The following FOLH1 variants were observed in gnomAD, a reference collection of about 807,000 sequenced individuals.
FOLH1 encodes glutamate carboxypeptidase 2.
Under a neutral mutation model 93.9 loss-of-function variants are expected in FOLH1, and 54 were observed. That is an observed-to-expected ratio of 0.57 (90% CI 0.46 to 0.72). The LOEUF is 0.72. Among genes scored for constraint, FOLH1 ranks in the 30% least tolerant of loss-of-function variants. The probability of loss-of-function intolerance (pLI) is 0.00; values close to 1 mark genes in which losing one functional copy is unlikely to be tolerated. For missense variants in FOLH1, 571 were observed against 892.5 expected (o/e 0.64, Z 4.59); for synonymous variants, 249 against 303.6 (o/e 0.82, Z 1.87).
At chr11:49,153,704 C>A (rs530688140) in intron 17 of FOLH1, 142 bp downstream of exon 17, 8 of 524,230 alleles carry the variant, frequency 1.5e-5, no homozygotes, top group Non-Finnish European at 2.5e-5. Context: ...ATGTATCCAG[C>A]AACTTAAAGT....
chr11:49,157,508 T>C (rs541699080), intron 14 of FOLH1, among the ~76,000 whole-genome samples: 5 of 152,126 alleles, frequency 3.3e-5, no homozygotes, highest in Non-Finnish European at 5.9e-5. Flanking sequence ...TAAAAAATGC[T>C]GCAAAATCCA....
chr11:49,162,402 A>G (rs2134985732), intron 13 of FOLH1, among the ~76,000 whole-genome samples: 1 of 152,252 alleles, frequency 6.6e-6, no homozygotes, highest in Non-Finnish European at 1.5e-5. Flanking sequence ...CACTTGGTCT[A>G]TACTGCTATC....
intron 4 of FOLH1, among the ~76,000 whole-genome samples, chr11:49,190,023 C>A (rs1245395536): frequency 2.0e-5 from 3 of 152,294 alleles, no homozygotes; most frequent in African/African-American, 7.2e-5. Context: ...CACTATATGT[C>A]TGATTTATCA....
chr11:49,187,524 GTATT>G (rs1396985948), intron 4 of FOLH1, among the ~76,000 whole-genome samples: 19 of 152,124 alleles, frequency 1.2e-4, no homozygotes, highest in Middle Eastern at 6.8e-3. Context: ...TTTAAATACT[GTATT>G]TATTTACTAT....
rs766139196 is a variant in FOLH1 at position 49,156,852 on chromosome 11, A to C, written c.1533-45T>G. Reference sequence around the variant, plus strand: ...AGAATTATTTCAAAGTAATTTGTTCATTAAGCACAGATTACATGTCCATTA... The same window carrying C: ...AGAATTATTTCAAAGTAATTTGTTCCTTAAGCACAGATTACATGTCCATTA... On this transcript the variant is annotated intron_variant, in intron 14 of 18. Coordinates refer to ENST00000256999, the MANE Select transcript of FOLH1 (RefSeq NM_004476.3). 5 of 1,606,318 alleles carry C rather than the reference A, an allele frequency of 3.1e-6. No individual in the cohort carries two copies. The South Asian group carries it at 5.5e-5, about 18-fold the overall frequency.
intron 2 of FOLH1, among the ~76,000 whole-genome samples, chr11:49,204,670 A>G (rs572870152): frequency 6.6e-6 from 1 of 152,268 alleles, no homozygotes; most frequent in East Asian, 1.9e-4. Flanking sequence ...TATCCTATCA[A>G]TTTGTATTTA....
intron 3 of FOLH1, among the ~76,000 whole-genome samples, chr11:49,195,896 C>G (rs1862565986): frequency 6.6e-6 from 1 of 152,214 alleles, no homozygotes; most frequent in Non-Finnish European, 1.5e-5. Flanking sequence ...TGGCTCACGC[C>G]TGTAATCCCA....
intron 9 of FOLH1, among the ~76,000 whole-genome samples, chr11:49,174,167 G>A (rs550173254): frequency 6.6e-6 from 1 of 152,224 alleles, no homozygotes; most frequent in African/African-American, 2.4e-5. Context: ...TTATTCAACA[G>A]TAGCCACTTA....
chr11:49,181,251 G>A (rs927911859), intron 7 of FOLH1, among the ~76,000 whole-genome samples: 1 of 151,800 alleles, frequency 6.6e-6, no homozygotes, highest in African/African-American at 2.4e-5. Context: ...GGGACTACAG[G>A]CATGCACCAG....
intron 15 of FOLH1, 103 bp downstream of exon 15, chr11:49,156,614 T>C: frequency 1.0e-6 from 1 of 986,282 alleles, no homozygotes; most frequent in South Asian, 1.6e-5. Context: ...TGCTTTCAAA[T>C]TTCTCTATTC....
At position 49,146,735 on chromosome 11, in the gene FOLH1, C is replaced by T. The variant is rs777116852; in HGVS notation, c.*21G>A. 98 of 1,582,980 alleles carry T rather than the reference C, an allele frequency of 6.2e-5. No homozygotes were observed. Among genetic ancestry groups the T allele is most frequent in the South Asian group, 4.5e-4 (39 of 86,562 alleles). On this transcript the variant is annotated 3_prime_UTR_variant, in exon 19 of 19. Coordinates refer to ENST00000256999, the MANE Select transcript of FOLH1 (RefSeq NM_004476.3). ...AGTGACATACCACACAAATTCAATA[C>T]GGATTCTCTAAAGAATCCTCTTAGG...
chr11:49,177,785 T>TAA lies in FOLH1; in HGVS notation c.921-1830_921-1829dup, dbSNP rs747990555. Among the ~76,000 whole-genome samples the TAA allele has an allele frequency of 8.3e-3, 859 of 104,008 alleles. 14 individuals are homozygous for TAA. Among genetic ancestry groups the TAA allele is most frequent in the African/African-American group, 0.021 (496 of 23,796 alleles). 68.2% of individuals were successfully genotyped at this position (104,008 alleles called of 152,430 possible). On this transcript the variant is annotated intron_variant, in intron 7 of 18. Transcript: ENST00000256999. Reference sequence around the variant, plus strand: ...CAACATGGAGAAACCCCGTCTCTACTAAAAAAAAAAAAAAAAAAAGGCAAA... The same window carrying TAA: ...CAACATGGAGAAACCCCGTCTCTACTAAAAAAAAAAAAAAAAAAAAAGGCAAA...
intron 3 of FOLH1, among the ~76,000 whole-genome samples, chr11:49,193,730 G>A (rs1862314032): frequency 6.6e-6 from 1 of 152,112 alleles, no homozygotes. Context: ...ATCCTCAGAG[G>A]TAGCACGAAA....
chr11:49,204,293 T>A (rs1361273195), intron 2 of FOLH1, among the ~76,000 whole-genome samples: 1 of 152,216 alleles, frequency 6.6e-6, no homozygotes, highest in Non-Finnish European at 1.5e-5. Flanking sequence ...TAAGGCCTTT[T>A]AAAATAAACT....
chr11:49,181,512 A>G (rs1860735003), intron 7 of FOLH1, among the ~76,000 whole-genome samples: 1 of 152,074 alleles, frequency 6.6e-6, no homozygotes, highest in African/African-American at 2.4e-5. Flanking sequence ...TATATTATTA[A>G]TTATTCTGGT....
intron 17 of FOLH1, 87 bp from the exon 18 acceptor site, chr11:49,148,818 G>A (rs1207696306): frequency 3.2e-5 from 37 of 1,155,934 alleles, no homozygotes; most frequent in Non-Finnish European, 3.7e-5. Flanking sequence ...ACTGAATTTA[G>A]TTATCTCCGG....
chr11:49,196,453 C>G (rs979850258), intron 3 of FOLH1, among the ~76,000 whole-genome samples: 1 of 152,088 alleles, frequency 6.6e-6, no homozygotes, highest in African/African-American at 2.4e-5. Flanking sequence ...AAAAACCCAA[C>G]TCATTTTAGA....
intron 2 of FOLH1, among the ~76,000 whole-genome samples, chr11:49,201,694 T>C (rs1226869417): frequency 6.6e-6 from 1 of 152,196 alleles, no homozygotes; most frequent in Non-Finnish European, 1.5e-5. Flanking sequence ...AGTGAGCACC[T>C]GCAGGGAAAA....
intron 7 of FOLH1, among the ~76,000 whole-genome samples, chr11:49,176,651 A>G (rs1860078061): frequency 1.3e-5 from 2 of 151,994 alleles, no homozygotes; most frequent in South Asian, 4.1e-4. Context: ...ATGTAAAACA[A>G]TATACTTTTA....
Sources: gnomAD v4.1 joint callset for allele counts (sites outside exome capture counted in the v4.1 genomes callset) on GRCh38, gnomAD v4.1.1 for gene constraint, MANE v1.5 for transcripts, NCBI Gene and HGNC (gene_info 2026-07-23, HGNC 2026-07-21) for gene names.